The following SCARA5 variants were observed in gnomAD, a reference collection of about 807,000 sequenced individuals.
SCARA5 encodes the protein scavenger receptor class A, member 5 (putative).
In SCARA5, 45 loss-of-function variants were observed where a neutral mutation model predicts 46.3. That is an observed-to-expected ratio of 0.97 (90% confidence interval 0.76 to 1.24). The LOEUF (loss-of-function observed/expected upper bound fraction) is 1.24. Among genes scored for constraint, SCARA5 ranks in the 50% most tolerant of loss-of-function variants. SCARA5 has a pLI of 0.00. For missense variants in SCARA5, 680 were observed against 689.0 expected, an observed-to-expected ratio of 0.99 and a Z score of 0.15; for synonymous variants, 333 against 306.5, an observed-to-expected ratio of 1.09 and a Z score of -0.90.
At chr8:27,883,970 C>T (rs62496786) in intron 7 of SCARA5, among the ~76,000 whole-genome samples, 1,762 of 61,910 alleles carry the variant, frequency 0.028, 13 homozygotes, top group Non-Finnish European at 0.043. Flanking sequence ...TCATAGGTCC[C>T]GAAGGAGATG....
chr8:27,930,653 C>A (rs180690191), intron 3 of SCARA5, among the ~76,000 whole-genome samples: 1 of 152,156 alleles, frequency 6.6e-6, no homozygotes, highest in African/African-American at 2.4e-5. Context: ...CCGCCCCCCT[C>A]GGCCACCCAA....
At chr8:27,940,274 G>T (rs896282117) in intron 3 of SCARA5, among the ~76,000 whole-genome samples, 13 of 152,126 alleles carry the variant, frequency 8.5e-5, no homozygotes, top group African/African-American at 3.1e-4. Context: ...AGTCCCACTT[G>T]CCAGGAATCT....
intron 7 of SCARA5, among the ~76,000 whole-genome samples, chr8:27,902,555 C>T (rs1184795183): frequency 3.9e-5 from 6 of 152,214 alleles, no homozygotes; most frequent in African/African-American, 7.2e-5. Context: ...AGAGAATTCC[C>T]AACAAGAGCC....
At chr8:27,900,077 G>T (rs2129731433) in intron 7 of SCARA5, among the ~76,000 whole-genome samples, 1 of 152,176 alleles carries the variant, frequency 6.6e-6, no homozygotes, top group African/African-American at 2.4e-5. Context: ...GGCGGAGGTT[G>T]CAGTGAGCCG....
chr8:27,964,933 TGTTATG>T (rs982694189), intron 3 of SCARA5, among the ~76,000 whole-genome samples: 4 of 152,182 alleles, frequency 2.6e-5, no homozygotes, highest in Non-Finnish European at 4.4e-5. Flanking sequence ...TCCAGAAATT[TGTTATG>T]GTCCTCGCAG....
At chr8:27,916,247 T>C (rs946649593) in intron 4 of SCARA5, among the ~76,000 whole-genome samples, 1 of 152,204 alleles carries the variant, frequency 6.6e-6, no homozygotes, top group Non-Finnish European at 1.5e-5. Flanking sequence ...AGTTGAGTAT[T>C]TGTGACTTCT....
chr8:27,921,329 T>C (rs1276359197), intron 4 of SCARA5, among the ~76,000 whole-genome samples: 1 of 152,232 alleles, frequency 6.6e-6, no homozygotes, highest in Non-Finnish European at 1.5e-5. Context: ...ATCTGCTCTC[T>C]ACCCGAGGGA....
intron 3 of SCARA5, among the ~76,000 whole-genome samples, chr8:27,944,705 GA>G (rs11368469): frequency 2.2e-4 from 30 of 138,948 alleles, no homozygotes; most frequent in African/African-American, 5.3e-4. Flanking sequence ...TGTAAAAATA[GA>G]AAAAAAAAAA....
At chr8:27,988,111 G>C (rs980537820) in intron 1 of SCARA5, among the ~76,000 whole-genome samples, 2 of 152,190 alleles carry the variant, frequency 1.3e-5, no homozygotes, top group African/African-American at 4.8e-5. Flanking sequence ...GCATTCAGAG[G>C]GGGTACAGAG....
chr8:27,967,610 C>T (rs1478240807), intron 2 of SCARA5, among the ~76,000 whole-genome samples: 2 of 152,132 alleles, frequency 1.3e-5, no homozygotes, highest in Non-Finnish European at 2.9e-5. Context: ...AGGACTGTCC[C>T]CACTTCAAGA....
chr8:27,892,731 G>A (rs914154338), intron 7 of SCARA5, among the ~76,000 whole-genome samples: 22 of 148,930 alleles, frequency 1.5e-4, no homozygotes, highest in African/African-American at 4.5e-4. Context: ...TCAGCCTCCC[G>A]AGTAGCTGGG....
intron 2 of SCARA5, among the ~76,000 whole-genome samples, 163 bp from the exon 3 acceptor site, chr8:27,966,705 T>C (rs1671360112): frequency 6.6e-6 from 1 of 152,214 alleles, no homozygotes. Context: ...TGGGGAGCTT[T>C]CCAGGACCAT....
intron 3 of SCARA5, among the ~76,000 whole-genome samples, chr8:27,927,788 CA>C (rs963367115): frequency 1.8e-4 from 28 of 152,080 alleles, no homozygotes; most frequent in Admixed American, 7.9e-4. Flanking sequence ...AACTACTTCT[CA>C]AAAAAAGTTA....
intron 5 of SCARA5, among the ~76,000 whole-genome samples, chr8:27,908,422 A>G (rs1326251505): frequency 1.3e-5 from 2 of 152,208 alleles, no homozygotes; most frequent in Non-Finnish European, 2.9e-5. Flanking sequence ...GGCCTGGCCT[A>G]AGCGTGTAGT....
chr8:27,894,083 T>C (rs1042320088), intron 7 of SCARA5, among the ~76,000 whole-genome samples: 3 of 152,198 alleles, frequency 2.0e-5, no homozygotes, highest in Admixed American at 2.0e-4. Context: ...GAGGAGAGAA[T>C]GATTATCTAC....
intron 7 of SCARA5, among the ~76,000 whole-genome samples, chr8:27,881,626 G>A (rs1017663248): frequency 6.6e-6 from 1 of 152,052 alleles, no homozygotes; most frequent in Non-Finnish European, 1.5e-5. Context: ...TCAGCATCAC[G>A]CAATATACCC....
chr8:27,879,456 G>A lies in SCARA5; in HGVS notation c.1351+113C>T, dbSNP rs544123364. The A allele has an allele frequency of 1.1e-5, 11 of 1,005,792 alleles. No individual in the cohort carries two copies. In the African/African-American group the frequency reaches 1.7e-4, roughly 16 times the overall value. 62.3% of individuals were successfully genotyped at this position (1,005,792 alleles called of 1,614,324 possible). On this transcript the variant is annotated intron_variant, in intron 8 of 8. Coordinates refer to ENST00000354914, the MANE Select transcript of SCARA5 (RefSeq NM_173833.6). Reference sequence around the variant, plus strand: ...TCTTATTGCAGCAAGCATTTGGGGAGAGGCTGGGGACCTCGCGGAATTGCA... The same window carrying A: ...TCTTATTGCAGCAAGCATTTGGGGAAAGGCTGGGGACCTCGCGGAATTGCA...
intron 4 of SCARA5, among the ~76,000 whole-genome samples, chr8:27,918,468 G>A (rs962787688): frequency 1.3e-5 from 2 of 151,490 alleles, no homozygotes; most frequent in Admixed American, 6.6e-5. Flanking sequence ...GGTTGGGGGG[G>A]GTTCAGTAGG....
chr8:27,920,599 C>T (rs1464492519), intron 4 of SCARA5, among the ~76,000 whole-genome samples: 14 of 138,872 alleles, frequency 1.0e-4, no homozygotes, highest in Admixed American at 7.3e-4. Flanking sequence ...AGCGACAGAG[C>T]GAGACTCCAT....
Sources: gnomAD v4.1 joint callset for allele counts (sites outside exome capture counted in the v4.1 genomes callset) on GRCh38, gnomAD v4.1.1 for gene constraint, MANE v1.5 for transcripts, NCBI Gene and HGNC (gene_info 2026-07-23, HGNC 2026-07-21) for gene names.